The following PPM1L variants were observed in gnomAD, a reference collection of about 807,000 sequenced individuals.
The protein encoded by PPM1L is protein phosphatase, Mg2+/Mn2+ dependent 1L.
PPM1L carries 13 observed loss-of-function variants against 31.4 expected under a neutral mutation model. The ratio of observed to expected loss-of-function variants is 0.41; its 90% CI spans 0.27 to 0.66. PPM1L has a LOEUF of 0.66. Ranked by LOEUF, PPM1L falls within the 30% of genes least tolerant of loss-of-function variation. PPM1L has a pLI of 0.29. For synonymous variants in PPM1L, 184 were observed against 175.4 expected, an observed-to-expected ratio of 1.05 and a Z score of -0.39; for missense variants, 326 against 453.7, an observed-to-expected ratio of 0.72 and a Z score of 2.56.
At chr3:160,800,941 C>A (rs1712406142) in intron 1 of PPM1L, among the ~76,000 whole-genome samples, 2 of 152,210 alleles carry the variant, frequency 1.3e-5, no homozygotes, top group African/African-American at 4.8e-5. Flanking sequence ...TTCACATGTT[C>A]TGTGGTTTTT....
At chr3:161,027,591 C>T (rs896013387) in intron 2 of PPM1L, among the ~76,000 whole-genome samples, 3 of 152,228 alleles carry the variant, frequency 2.0e-5, no homozygotes, top group Non-Finnish European at 2.9e-5. Context: ...AAGAACAGCA[C>T]GGGAAAGACC....
At chr3:161,029,167 C>G (rs1406748254) in intron 2 of PPM1L, among the ~76,000 whole-genome samples, 1 of 152,152 alleles carries the variant, frequency 6.6e-6, no homozygotes, top group African/African-American at 2.4e-5. Context: ...AAGTCTCACA[C>G]ATAAGGAAAC....
chr3:160,842,431 G>A (rs1195325834), intron 1 of PPM1L: 2 of 638,142 alleles, frequency 3.1e-6, no homozygotes, highest in African/African-American at 3.6e-5. Context: ...ACTTTATTCT[G>A]TAGAAAATGG....
At chr3:160,904,089 C>T (rs1184558937) in intron 1 of PPM1L, among the ~76,000 whole-genome samples, 1 of 152,072 alleles carries the variant, frequency 6.6e-6, no homozygotes, top group Non-Finnish European at 1.5e-5. Flanking sequence ...TGAACCTCTA[C>T]CATGATTATA....
chr3:160,985,914 A>G (rs753950405), intron 2 of PPM1L, among the ~76,000 whole-genome samples: 1 of 151,416 alleles, frequency 6.6e-6, no homozygotes, highest in African/African-American at 2.4e-5. Context: ...TTAATGTATG[A>G]TTTTTTTATT....
intron 1 of PPM1L, among the ~76,000 whole-genome samples, chr3:160,944,394 T>C (rs1237396372): frequency 6.6e-6 from 1 of 151,808 alleles, no homozygotes; most frequent in African/African-American, 2.4e-5. Flanking sequence ...TTAATCACAT[T>C]TTTATTTTTA....
chr3:160,757,119 G>A (rs756979684), intron 1 of PPM1L, among the ~76,000 whole-genome samples: 5 of 152,174 alleles, frequency 3.3e-5, no homozygotes, highest in Non-Finnish European at 5.9e-5. Flanking sequence ...CACAGAGAAG[G>A]AAGACAATAT....
intron 1 of PPM1L, among the ~76,000 whole-genome samples, chr3:160,759,360 A>G (rs1364268120): frequency 6.6e-6 from 1 of 152,178 alleles, no homozygotes; most frequent in Non-Finnish European, 1.5e-5. Flanking sequence ...CAGAGGAGAC[A>G]TTACCTTGTA....
At chr3:161,036,189 G>A (rs1718736451) in intron 2 of PPM1L, 1 of 152,190 alleles carries the variant, frequency 6.6e-6, no homozygotes, top group South Asian at 2.1e-4. Context: ...TAACTTCACA[G>A]ATCTGTACTG....
intron 2 of PPM1L, among the ~76,000 whole-genome samples, chr3:161,007,771 G>A (rs931765014): frequency 6.6e-6 from 1 of 152,106 alleles, no homozygotes; most frequent in Non-Finnish European, 1.5e-5. Context: ...ATAGACTTTG[G>A]TTTTTACTGT....
At chr3:160,973,868 T>C (rs1314264371) in intron 2 of PPM1L, among the ~76,000 whole-genome samples, 2 of 150,958 alleles carry the variant, frequency 1.3e-5, no homozygotes, top group African/African-American at 2.4e-5. Context: ...TTTTCTAATT[T>C]ATTTATGTAT....
In PPM1L at chr3:160,846,310, A is replaced by G. The variant is rs1033280936; in HGVS notation, c.399+89603A>G. Among the ~76,000 whole-genome samples the G allele has an allele frequency of 5.9e-5, 9 of 151,990 alleles. 1 individual carries two copies. Among genetic ancestry groups the G allele is most frequent in the South Asian group, 2.1e-4 (1 of 4,834 alleles). ...GTCACACCTCATTAACAGAATATAA[A>G]TTTTCCATGTGGTTTTGTTGCCTCT... On this transcript the variant is annotated intron_variant, in intron 1 of 3. Coordinates refer to ENST00000498165, the MANE Select transcript of PPM1L (RefSeq NM_139245.4).
At chr3:160,848,350 C>G (rs1234431908) in intron 1 of PPM1L, among the ~76,000 whole-genome samples, 1 of 152,162 alleles carries the variant, frequency 6.6e-6, no homozygotes, top group East Asian at 1.9e-4. Flanking sequence ...GGGTCAACAA[C>G]AACCCAGGGT....
At chr3:160,772,466 G>A (rs1715282515) in intron 1 of PPM1L, among the ~76,000 whole-genome samples, 1 of 152,146 alleles carries the variant, frequency 6.6e-6, no homozygotes, top group South Asian at 2.1e-4. Context: ...CTCCATGGTG[G>A]CTTTATGATA....
intron 2 of PPM1L, chr3:161,022,251 A>C: frequency 1.6e-6 from 1 of 612,126 alleles, no homozygotes; most frequent in Non-Finnish European, 2.9e-6. Flanking sequence ...TTTTAAACAA[A>C]GACTTTGCTT....
chr3:160,804,726 A>G (rs1242022982), intron 1 of PPM1L, among the ~76,000 whole-genome samples: 2 of 152,240 alleles, frequency 1.3e-5, no homozygotes, highest in Non-Finnish European at 2.9e-5. Flanking sequence ...ATGTTTTGCC[A>G]AATTTACACA....
rs144007965 is a variant in PPM1L, at chr3:160,968,686, A to G, written c.574+6776A>G. Among the ~76,000 whole-genome samples, 4 of 152,218 alleles carry G rather than the reference A, an allele frequency of 2.6e-5. No homozygotes were observed. In the East Asian group the frequency reaches 5.8e-4, roughly 22 times the overall value. ...AATTATGAGGAGAGTAGGCCCATTT[A>G]TTTGAGAGTGATATTTTCTGTCACA... On this transcript the variant is annotated intron_variant, in intron 2 of 3. Transcript: ENST00000498165.
At chr3:160,763,342 A>G (rs1715018223) in intron 1 of PPM1L, among the ~76,000 whole-genome samples, 1 of 152,204 alleles carries the variant, frequency 6.6e-6, no homozygotes, top group African/African-American at 2.4e-5. Context: ...AGTTATGGGC[A>G]GTGTTTCAGC....
chr3:160,836,456 T>A (rs1305556657), intron 1 of PPM1L, among the ~76,000 whole-genome samples: 2 of 152,226 alleles, frequency 1.3e-5, no homozygotes, highest in South Asian at 4.1e-4. Context: ...CTTGTGCTTT[T>A]GAGCAAGTCA....
Sources: gnomAD v4.1 joint callset for allele counts (sites outside exome capture counted in the v4.1 genomes callset) on GRCh38, gnomAD v4.1.1 for gene constraint, MANE v1.5 for transcripts, NCBI Gene and HGNC (gene_info 2026-07-23, HGNC 2026-07-21) for gene names.